The following SLITRK3 variants were observed in gnomAD, a reference collection of about 807,000 sequenced individuals.
The protein encoded by SLITRK3 is SLIT and NTRK-like protein 3.
In SLITRK3, 16 loss-of-function variants were observed where a neutral mutation model predicts 63.6. The ratio of observed to expected loss-of-function variants is 0.25; its 90% CI spans 0.17 to 0.38. The LOEUF (loss-of-function observed/expected upper bound fraction) is 0.38, where lower values mean the gene tolerates loss of function less well. SLITRK3 is among the 10% of genes least tolerant of loss of function. The probability of loss-of-function intolerance (pLI) is 1.00; values close to 1 mark genes in which losing one functional copy is unlikely to be tolerated. For missense variants in SLITRK3, 1,117 were observed against 1,181.4 expected (o/e 0.95, Z 0.80); for synonymous variants, 547 against 451.6 (o/e 1.21, Z -2.68).
chr3:165,189,500 A>T lies in SLITRK3; in HGVS notation c.1331T>A (p.Ile444Asn). The change falls in exon 2 of 2, where the codon ATT becomes AAT. Residue 444 changes from isoleucine (I) to asparagine (N), a missense_variant. Transcript: ENST00000475390. The surrounding 1 kb of genome is among the most constrained non-coding windows in gnomAD (Gnocchi z 4.0). ...LDLLHLGNNR[I>N]SYVQDGAFIN... ...AAAGGCCCCATCTTGGACATAGGAA[A>T]TACGATTGTTCCCCAGATGCAAGAG... is the stretch of plus-strand genomic sequence containing the variant. 1 of 1,613,882 alleles carries T rather than the reference A, an allele frequency of 6.2e-7. No individual in the cohort carries two copies. The highest frequency in any genetic ancestry group is 8.5e-7 in the Non-Finnish European group (1 of 1,180,048).
chr3:165,188,313 G>A lies in SLITRK3; in HGVS notation c.2518C>T (p.His840Tyr), dbSNP rs758989596. ...IVTVNHHHPH[H>Y]PAVGGVSGVV... ...CCTGAAACCCCACCAACTGCTGGGT[G>A]GTGAGGGTGATGGTGATTCACCGTC... The change falls in exon 2 of 2, where the codon CAC (histidine) becomes TAC (tyrosine). Residue 840 changes from histidine to tyrosine, a missense_variant. Around this residue, in one of 4 missense-constraint regions of SLITRK3, gnomAD observed 499 missense variants for 463.6 expected, o/e 1.08. Transcript: ENST00000475390. The A allele has an allele frequency of 4.3e-6, 7 of 1,614,002 alleles. No individual in the cohort carries two copies. The highest frequency in any genetic ancestry group is 5.9e-6 in the Non-Finnish European group (7 of 1,179,996).
chr3:165,190,854 G>A lies in SLITRK3; in HGVS notation c.-21-3C>T. The A allele has an allele frequency of 2.6e-6, 4 of 1,530,824 alleles. No individual in the cohort carries two copies. Among genetic ancestry groups the A allele is most frequent in the Non-Finnish European group, 3.5e-6 (4 of 1,141,880 alleles). The allele number at this position is 1,530,824 out of a possible 1,614,324, so 94.8% of individuals were successfully genotyped here. A position where few individuals can be genotyped will look rare whatever the true frequency, so the allele number is the denominator to read the frequency against. ...ATCGTTCGTGGTTGATTACAAAACTGCAACAGAAATAAAAATGCAGATTTT... is the reference window on the plus strand; with the variant it reads ...ATCGTTCGTGGTTGATTACAAAACTACAACAGAAATAAAAATGCAGATTTT... On this transcript the variant is annotated splice_region_variant and splice_polypyrimidine_tract_variant and intron_variant, in intron 1 of 1. Coordinates refer to ENST00000475390, the MANE Select transcript of SLITRK3 (RefSeq NM_001318810.2).
Position 165,189,660 on chromosome 3 carries a change from T to C in SLITRK3, c.1171A>G (p.Asn391Asp). The change falls in exon 2 of 2, where the codon AAC becomes GAC. Residue 391 changes from asparagine (N) to aspartate (D), a missense_variant. Asn to Asp is a conservative substitution (Grantham distance 23, BLOSUM62 1). Around this residue, in one of 4 missense-constraint regions of SLITRK3, gnomAD observed 452 missense variants for 495.3 expected, o/e 0.91. Transcript: ENST00000475390. This position sits in a 1 kb window ranked among gnomAD's most constrained non-coding sequence, Gnocchi z 4.0. ...TTATTAAATCCTCGCTCTTTGCAGT[T>C]GACAGTCAAGCCAAGGTCATTGATG... ...LHINDLGLTV[N>D]CKERGFNNIS... The C allele has an allele frequency of 6.2e-7, 1 of 1,614,202 alleles. No homozygotes were observed. Among genetic ancestry groups the C allele is most frequent in the Non-Finnish European group, 8.5e-7 (1 of 1,180,034 alleles).
At position 165,189,202 on chromosome 3, in the gene SLITRK3, G is replaced by A. The variant is rs775185464; in HGVS notation, c.1629C>T (p.Pro543=). The A allele has an allele frequency of 7.4e-6, 12 of 1,614,066 alleles. No individual in the cohort carries two copies. The highest frequency in any genetic ancestry group is 2.2e-5 in the South Asian group (2 of 91,082). The change falls in exon 2 of 2, where the codon CCC becomes CCT. Residue 543 remains proline (P), a synonymous_variant. Transcript: ENST00000475390. This position sits in a 1 kb window ranked among gnomAD's most constrained non-coding sequence, Gnocchi z 4.0. ...NLRKNYFLYL[P]VAGVLEHLNA... The stretch of plus-strand genomic sequence containing the variant: ...TCAAGTGTTCCAGGACACCAGCCAC[G>A]GGAAGATAGAGGAAGTAGTTCTTCC...
At chr3:165,194,176 T>C (rs541651304) in intron 1 of SLITRK3, among the ~76,000 whole-genome samples, 2 of 152,252 alleles carry the variant, frequency 1.3e-5, no homozygotes, top group South Asian at 4.2e-4. Context: ...CAGGGACTTT[T>C]TGGTTGCTAA....
chr3:165,194,161 GAA>G (rs1425073096), intron 1 of SLITRK3, among the ~76,000 whole-genome samples: 17 of 152,270 alleles, frequency 1.1e-4, no homozygotes, highest in African/African-American at 3.9e-4. Context: ...CGGGAGGGGA[GAA>G]GGCAGGGACT....
Position 165,187,894 on chromosome 3 carries a change from C to G in SLITRK3, c.*3G>C. ...AAAGCACTAATATATTTTCTTCTCT[C>G]TGTTAGAACCTGTATGTTGTCTTCT... On this transcript the variant is annotated 3_prime_UTR_variant, in exon 2 of 2. Coordinates refer to ENST00000475390, the MANE Select transcript of SLITRK3 (RefSeq NM_001318810.2). 6.4e-7 allele frequency: 1 copy of G among 1,571,228 alleles called. No homozygotes were observed. The highest frequency in any genetic ancestry group is 8.6e-7 in the Non-Finnish European group (1 of 1,161,560).
chr3:165,193,573 C>T (rs1718319555), intron 1 of SLITRK3, among the ~76,000 whole-genome samples: 1 of 152,176 alleles, frequency 6.6e-6, no homozygotes, highest in Non-Finnish European at 1.5e-5. Flanking sequence ...GTTTCTCCTG[C>T]ATTTTGCTTC....
rs1490386444 is a variant in SLITRK3, at chr3:165,196,349, G to T, written c.-791C>A. ...TGGGAGATCTCAGGCAAAGCACGAA[G>T]GTGAAGCGATACCGTTGGCAGAGAG... On this transcript the variant is annotated 5_prime_UTR_variant, in exon 1 of 2. Coordinates refer to ENST00000475390, the MANE Select transcript of SLITRK3 (RefSeq NM_001318810.2). 2.0e-5 allele frequency among the ~76,000 whole-genome samples: 3 copies of T among 151,460 alleles called. No individual in the cohort carries two copies. In the East Asian group the frequency reaches 5.9e-4, roughly 30 times the overall value.
Position 165,188,406 on chromosome 3 carries a change from G to A in SLITRK3, c.2425C>T (p.Arg809Trp), listed in dbSNP as rs200230304. ...ETPKENHSNYRTLLEKEKEWA... is the reference protein window; with the variant it reads ...ETPKENHSNYWTLLEKEKEWA... ...TCCTTCTCTTTTTCCAGCAAGGTCC[G>A]GTAGTTACTATGGTTCTCCTTGGGT... The change falls in exon 2 of 2, where the codon CGG (arginine) becomes TGG (tryptophan). Residue 809 changes from arginine (R) to tryptophan (W), a missense_variant. Around this residue, in one of 4 missense-constraint regions of SLITRK3, gnomAD observed 499 missense variants for 463.6 expected, o/e 1.08. Transcript: ENST00000475390. 6.2e-6 allele frequency: 10 copies of A among 1,613,888 alleles called. No individual in the cohort carries two copies. Among genetic ancestry groups the A allele is most frequent in the South Asian group, 3.3e-5 (3 of 91,066 alleles).
upstream of SLITRK3, chr3:165,196,931 T>TCTCTC (rs1560057654): frequency 7.4e-6 from 1 of 136,012 alleles, no homozygotes; most frequent in Non-Finnish European, 1.6e-5. Context: ...CTCTCTCCTC[T>TCTCTC]CTCTGTCTCT....
Position 165,189,466 on chromosome 3 carries a change from C to T in SLITRK3, c.1365G>A (p.Leu455=). ...SYVQDGAFIN[L]PNLKSLFLNG... ...TAAGGAAGAGGCTCTTTAAGTTGGG[C>T]AAGTTGATAAAGGCCCCATCTTGGA... Residue 455 remains leucine, a synonymous_variant, in exon 2 of 2, where the codon TTG becomes TTA. Coordinates refer to ENST00000475390, the MANE Select transcript of SLITRK3 (RefSeq NM_001318810.2). This position sits in a 1 kb window ranked among gnomAD's most constrained non-coding sequence, Gnocchi z 4.0. The T allele has an allele frequency of 3.1e-6, 5 of 1,613,430 alleles. No individual in the cohort carries two copies. The highest frequency in any genetic ancestry group is 3.4e-6 in the Non-Finnish European group (4 of 1,180,014).
intron 1 of SLITRK3, among the ~76,000 whole-genome samples, chr3:165,192,570 A>C (rs2108210260): frequency 6.6e-6 from 1 of 151,400 alleles, no homozygotes; most frequent in Admixed American, 6.6e-5. Flanking sequence ...TGGAACCGTG[A>C]AAAGAAAAAG....
rs1718024210 is a variant in SLITRK3, at chr3:165,188,068, T to C, written c.2763A>G (p.Gln921=). 1 of 1,613,684 alleles carries C rather than the reference T, an allele frequency of 6.2e-7. No individual in the cohort carries two copies. Among genetic ancestry groups the C allele is most frequent in the Non-Finnish European group, 8.5e-7 (1 of 1,179,958 alleles). The part of the protein sequence containing the change: ...KELHVHPPGM[Q]YPDLQQDARL... ...TGGCATCCTGCTGTAAGTCTGGGTA[T>C]TGCATGCCAGGAGGGTGCACGTGCA... The change falls in exon 2 of 2, where the codon CAA becomes CAG. Residue 921 remains glutamine, a synonymous_variant. Coordinates refer to ENST00000475390, the MANE Select transcript of SLITRK3 (RefSeq NM_001318810.2).
upstream of SLITRK3, chr3:165,196,887 C>CTCTG (rs1718448615): frequency 7.4e-6 from 1 of 134,620 alleles, no homozygotes; most frequent in African/African-American, 3.2e-5. Context: ...CTCTCTCTCT[C>CTCTG]TCTCTCTCTG....
chr3:165,187,876 T>C lies in SLITRK3; in HGVS notation c.*21A>G. ...TTTTCTTTTGAAAAAAAAAAAGCAC[T>C]AATATATTTTCTTCTCTCTGTTAGA... On this transcript the variant is annotated 3_prime_UTR_variant, in exon 2 of 2. Transcript: ENST00000475390. 6.5e-7 allele frequency: 1 copy of C among 1,533,688 alleles called. No homozygotes were observed. The highest frequency in any genetic ancestry group is 8.8e-7 in the Non-Finnish European group (1 of 1,134,796).
Position 165,187,860 on chromosome 3 carries a change from GA to G in SLITRK3, c.*36del, listed in dbSNP as rs751680059. On this transcript the variant is annotated 3_prime_UTR_variant, in exon 2 of 2. Coordinates refer to ENST00000475390, the MANE Select transcript of SLITRK3 (RefSeq NM_001318810.2). ...ATTTCTTTTATTTTCCTTTTCTTTT[GA>G]AAAAAAAAAAGCACTAATATATTTT... The G allele has an allele frequency of 0.014, 15,767 of 1,111,702 alleles. 3 individuals carry two copies. The highest frequency in any genetic ancestry group is 0.025 in the South Asian group (1,296 of 51,770). The allele number at this position is 1,111,702 out of a possible 1,614,324, so 68.9% of individuals were successfully genotyped here.
Position 165,195,063 on chromosome 3 carries a change from A to AT in SLITRK3, c.-22+516dup, listed in dbSNP as rs57245028. Among the ~76,000 whole-genome samples the AT allele has an allele frequency of 8.0e-3, 1,210 of 151,998 alleles. 16 individuals carry two copies. The highest frequency in any genetic ancestry group is 0.028 in the African/African-American group (1,155 of 41,462). On this transcript the variant is annotated intron_variant, in intron 1 of 1. Transcript: ENST00000475390. ...CACTGCTGGATCTTACAGCTCACTA[A>AT]TTTTTTCAGATCTAAGATTAAGTAT...
At chr3:165,195,403 C>T (rs1403931384) in intron 1 of SLITRK3, among the ~76,000 whole-genome samples, 177 bp downstream of exon 1, 1 of 152,170 alleles carries the variant, frequency 6.6e-6, no homozygotes, top group Non-Finnish European at 1.5e-5. Context: ...CGGTACCCCT[C>T]CTTCCACCAA....
Sources: gnomAD v4.1 joint callset for allele counts (sites outside exome capture counted in the v4.1 genomes callset) on GRCh38, gnomAD v4.1.1 for gene constraint, gnomAD v4.1.1 regional missense constraint, Gnocchi (gnomAD v3.1) non-coding constraint, MANE v1.5 for transcripts, NCBI Gene and HGNC (gene_info 2026-07-23, HGNC 2026-07-21) for gene names.